Variants in ABRAXAS2 observed in about 807,000 individuals in gnomAD.
ABRAXAS2 encodes the protein BRISC complex subunit Abraxas 2.
A neutral mutation model predicts 49.0 loss-of-function variants in ABRAXAS2; 23 were observed. The observed-to-expected ratio is 0.47, with a 90% CI of 0.34 to 0.66. The LOEUF (loss-of-function observed/expected upper bound fraction) is 0.66, where lower values mean the gene tolerates loss of function less well. Among genes scored for constraint, ABRAXAS2 ranks in the 30% least tolerant of loss-of-function variants. ABRAXAS2 has a pLI of 0.01. For missense variants in ABRAXAS2, 443 were observed against 511.9 expected (o/e 0.87, Z 1.30); for synonymous variants, 168 against 180.2 (o/e 0.93, Z 0.54).
rs1379499144 is a variant in ABRAXAS2 at position 124,826,816 on chromosome 10, A to G, written c.458+31A>G. ...GCTTGCTTTTCCATCTGCCTCACAT[A>G]TAAGAAGGACGTTGGGACCAGGCGT... is the stretch of plus-strand genomic sequence containing the variant. On this transcript the variant is annotated intron_variant, in intron 5 of 8. Transcript: ENST00000298492. 3.1e-6 allele frequency: 5 copies of G among 1,607,650 alleles called. No homozygotes were observed. In the Admixed American group the frequency reaches 6.7e-5, roughly 22 times the overall value.
chr10:124,827,179 A>G (rs548857614), intron 5 of ABRAXAS2, among the ~76,000 whole-genome samples: 5 of 130,016 alleles, frequency 3.8e-5, no homozygotes, highest in Non-Finnish European at 6.3e-5. Context: ...TTTTTTTTTG[A>G]GACAGAGTCC....
chr10:124,809,684 A>G (rs151169122), intron 2 of ABRAXAS2, among the ~76,000 whole-genome samples: 230 of 152,194 alleles, frequency 1.5e-3, no homozygotes, highest in Middle Eastern at 3.4e-3. Context: ...TGTAGGGTGC[A>G]TGCAGCCCAT....
At chr10:124,802,628 C>T (rs1320769033) in intron 1 of ABRAXAS2, among the ~76,000 whole-genome samples, 1 of 152,156 alleles carries the variant, frequency 6.6e-6, no homozygotes, top group Non-Finnish European at 1.5e-5. Context: ...CTTTATTTTA[C>T]AAATTGTCTT....
At chr10:124,814,961 A>G (rs1950814245) in intron 2 of ABRAXAS2, 1 of 151,910 alleles carries the variant, frequency 6.6e-6, no homozygotes, top group Non-Finnish European at 1.5e-5. Flanking sequence ...TATTTTTATA[A>G]GACTAGTCAA....
intron 2 of ABRAXAS2, among the ~76,000 whole-genome samples, chr10:124,807,896 T>C (rs945367743): frequency 6.6e-6 from 1 of 152,206 alleles, no homozygotes; most frequent in Non-Finnish European, 1.5e-5. Context: ...TGCTGGTCCT[T>C]CCTAAAGGGA....
chr10:124,833,136 ACT>A (rs1255063990), intron 8 of ABRAXAS2, among the ~76,000 whole-genome samples: 2 of 136,540 alleles, frequency 1.5e-5, no homozygotes, highest in African/African-American at 2.8e-5. Flanking sequence ...ACAGAGCAAG[ACT>A]CTGTCTCAAA....
rs1482379439 is a variant in ABRAXAS2 at position 124,826,595 on chromosome 10, A to C, written c.268A>C (p.Lys90Gln). 1 of 1,599,270 alleles carries C rather than the reference A, an allele frequency of 6.3e-7. No homozygotes were observed. Among genetic ancestry groups the C allele is most frequent in the African/African-American group, 1.3e-5 (1 of 74,278 alleles). ...LDRILKDRRK[K>Q]VIGWYRFRRN... is the part of the protein sequence containing the mutation. Reference sequence around the variant, plus strand: ...GCAACTTTTCACACTTTTCTTTCAGAAAGTCATTGGGTGGTACAGATTCCG... The same window carrying C: ...GCAACTTTTCACACTTTTCTTTCAGCAAGTCATTGGGTGGTACAGATTCCG... Residue 90 changes from lysine to glutamine, a missense_variant and splice_region_variant, in exon 5 of 9, where the codon AAA becomes CAA. This residue lies in a region of ABRAXAS2 where 166 missense variants were observed against 247.3 expected (regional missense o/e 0.67). Transcript: ENST00000298492.
chr10:124,805,182 A>C (rs1009987162), intron 1 of ABRAXAS2, among the ~76,000 whole-genome samples: 1 of 151,870 alleles, frequency 6.6e-6, no homozygotes, highest in Admixed American at 6.6e-5. Flanking sequence ...AAATACAAAA[A>C]ATTAGCCGGG....
At chr10:124,804,370 TATCTG>T (rs1950726399) in intron 1 of ABRAXAS2, among the ~76,000 whole-genome samples, 1 of 152,228 alleles carries the variant, frequency 6.6e-6, no homozygotes, top group Non-Finnish European at 1.5e-5. Context: ...AATTATTTGT[TATCTG>T]AAATTAAAAT....
chr10:124,802,327 G>A (rs1192106488), intron 1 of ABRAXAS2, among the ~76,000 whole-genome samples: 1 of 152,258 alleles, frequency 6.6e-6, no homozygotes, highest in East Asian at 1.9e-4. Context: ...CCGCCCGCCG[G>A]TCTCGCAGGT....
chr10:124,823,992 A>G (rs1258849356), intron 4 of ABRAXAS2, among the ~76,000 whole-genome samples: 2 of 152,176 alleles, frequency 1.3e-5, no homozygotes, highest in African/African-American at 4.8e-5. Context: ...ATCACAGCTC[A>G]CTGTAGCCTG....
At chr10:124,816,144 G>C (rs1266759678) in intron 2 of ABRAXAS2, among the ~76,000 whole-genome samples, 2 of 151,752 alleles carry the variant, frequency 1.3e-5, no homozygotes, top group Non-Finnish European at 2.9e-5. Context: ...CTAGTGATCT[G>C]TCCGCCTCAG....
rs1249787632 is a variant in ABRAXAS2 at position 124,826,672 on chromosome 10, G to T, written c.345G>T (p.Gln115His). The change falls in exon 5 of 9, where the codon CAG becomes CAT. Residue 115 changes from glutamine (Q) to histidine (H), a missense_variant. By Grantham distance (24) the Gln-to-His change is conservative. Coordinates refer to ENST00000298492, the MANE Select transcript of ABRAXAS2 (RefSeq NM_032182.4). ...MSYREQVLHKQLTRILGVPDL... is the reference protein window; with the variant it reads ...MSYREQVLHKHLTRILGVPDL... The stretch of plus-strand genomic sequence containing the variant: ...ACAGAGAGCAGGTTCTTCACAAGCA[G>T]CTCACCCGCATCCTCGGCGTGCCCG... The T allele has an allele frequency of 6.2e-7, 1 of 1,614,212 alleles. No homozygotes were observed. The highest frequency in any genetic ancestry group is 1.7e-5 in the Admixed American group (1 of 60,022).
intron 4 of ABRAXAS2, among the ~76,000 whole-genome samples, chr10:124,825,871 GTGGGGTCCAGGAATCTGCACTTTAGGGA>G (rs1359192964): frequency 1.3e-4 from 20 of 152,240 alleles, no homozygotes; most frequent in African/African-American, 1.7e-4. Context: ...GCAGATTTGG[GTGGGGTCCAGGAATCTGCACTTTAGGGA>G]TGGGGTCCAG....
chr10:124,811,693 G>C (rs1950789230), intron 2 of ABRAXAS2, among the ~76,000 whole-genome samples: 2 of 152,072 alleles, frequency 1.3e-5, no homozygotes, highest in East Asian at 3.9e-4. Flanking sequence ...AGCAGAGATT[G>C]TGCCACTGCA....
chr10:124,832,282 G>A (rs1437668612), intron 8 of ABRAXAS2, among the ~76,000 whole-genome samples: 1 of 152,096 alleles, frequency 6.6e-6, no homozygotes, highest in East Asian at 1.9e-4. Context: ...ACACCATTAG[G>A]CTAAGGAACA....
chr10:124,802,247 A>G (rs1358548365), intron 1 of ABRAXAS2, among the ~76,000 whole-genome samples: 2 of 152,108 alleles, frequency 1.3e-5, no homozygotes, highest in African/African-American at 4.8e-5. Context: ...TCTAGACTTA[A>G]GAGGGGCGCA....
chr10:124,829,471 A>G lies in ABRAXAS2; in HGVS notation c.657A>G (p.Lys219=), dbSNP rs1156570160. The change falls in exon 7 of 9, where the codon AAA becomes AAG. Residue 219 remains lysine, a synonymous_variant. Transcript: ENST00000298492. ...AGGTTTATAATGCACTTCAGGAGAA[A>G]GTTCAGGTAACTGATTTATTTATTA... is the stretch of plus-strand genomic sequence containing the variant. ...IYQVYNALQE[K]VQAVCADVEK... 3.1e-6 allele frequency: 5 copies of G among 1,593,802 alleles called. No homozygotes were observed. Among genetic ancestry groups the G allele is most frequent in the African/African-American group, 1.3e-5 (1 of 74,430 alleles).
chr10:124,811,493 C>G (rs1234998492), intron 2 of ABRAXAS2, among the ~76,000 whole-genome samples: 1 of 151,858 alleles, frequency 6.6e-6, no homozygotes, highest in African/African-American at 2.4e-5. Context: ...TTTGGGAGGC[C>G]GAGGTGGGCA....
Sources: gnomAD v4.1 joint callset for allele counts (sites outside exome capture counted in the v4.1 genomes callset) on GRCh38, gnomAD v4.1.1 for gene constraint, gnomAD v4.1.1 regional missense constraint, MANE v1.5 for transcripts, NCBI Gene and HGNC (gene_info 2026-07-23, HGNC 2026-07-21) for gene names.